The following PATJ variants were observed in gnomAD, a reference collection of about 807,000 sequenced individuals.
The protein encoded by PATJ is inaD-like protein.
A neutral mutation model predicts 224.9 loss-of-function variants in PATJ; 190 were observed. That is an observed-to-expected ratio of 0.84 (90% CI 0.75 to 0.95). The LOEUF (loss-of-function observed/expected upper bound fraction) is 0.95, where lower values mean the gene tolerates loss of function less well. PATJ is among the 40% of genes least tolerant of loss of function. The pLI is 0.00. For synonymous variants in PATJ, 769 were observed against 820.3 expected (o/e 0.94, Z 1.07); for missense variants, 2,121 against 2,270.3 (o/e 0.93, Z 1.34).
intron 29 of PATJ, among the ~76,000 whole-genome samples, chr1:62,028,599 C>T (rs1224753152): frequency 1.3e-5 from 2 of 151,794 alleles, no homozygotes; most frequent in Admixed American, 6.6e-5. Context: ...GGCAACATAG[C>T]GAGACCTCAT....
intron 16 of PATJ, among the ~76,000 whole-genome samples, chr1:61,829,506 T>C (rs1453318692): frequency 6.6e-6 from 1 of 152,348 alleles, no homozygotes; most frequent in East Asian, 1.9e-4. Flanking sequence ...TTTACCACAA[T>C]GGTGAACAAC....
At chr1:62,150,159 A>G (rs1377755563) in intron 42 of PATJ, among the ~76,000 whole-genome samples, 2 of 152,186 alleles carry the variant, frequency 1.3e-5, no homozygotes, top group Admixed American at 1.3e-4. Context: ...GTAAGGCCAC[A>G]AAGTGGGGAA....
chr1:62,120,655 A>G (rs1664933726), intron 37 of PATJ, among the ~76,000 whole-genome samples: 1 of 152,184 alleles, frequency 6.6e-6, no homozygotes, highest in African/African-American at 2.4e-5. Flanking sequence ...AAAAAATGTT[A>G]TATATCCCTA....
intron 31 of PATJ, among the ~76,000 whole-genome samples, chr1:62,069,483 T>TC (rs1657035915): frequency 6.6e-6 from 1 of 152,182 alleles, no homozygotes; most frequent in African/African-American, 2.4e-5. Context: ...AGATTTTAGC[T>TC]GTCATAATTT....
Position 62,125,254 on chromosome 1 carries a change from C to CAAAAAAAAAAAAA in PATJ, c.5043+2205_5043+2206insAAAAAAAAAAAAA, listed in dbSNP as rs779305398. On this transcript the variant is annotated intron_variant, in intron 39 of 43. Coordinates refer to ENST00000642238, the MANE Select transcript of PATJ (RefSeq NM_001350145.3). ...CCTGTCTCAAAAAAAAAAAAAAAAA[C>CAAAAAAAAAAAAA]AAAAAAAAACAAAAAAAAAACGCCA... Among the ~76,000 whole-genome samples the CAAAAAAAAAAAAA allele has an allele frequency of 7.0e-5, 5 of 71,420 alleles. 1 individual carries two copies. Among genetic ancestry groups the CAAAAAAAAAAAAA allele is most frequent in the Non-Finnish European group, 1.0e-4 (4 of 38,538 alleles). 46.9% of individuals were successfully genotyped at this position (71,420 alleles called of 152,430 possible).
chr1:62,132,452 C>A (rs1301565516), intron 41 of PATJ, among the ~76,000 whole-genome samples: 1 of 151,992 alleles, frequency 6.6e-6, no homozygotes, highest in Non-Finnish European at 1.5e-5. Context: ...GAGCCAAGAT[C>A]TCGCCACTGC....
chr1:61,796,658 TTTTCTTTC>T (rs202216894), intron 10 of PATJ, among the ~76,000 whole-genome samples: 205 of 103,524 alleles, frequency 2.0e-3, no homozygotes, highest in Middle Eastern at 6.1e-3. Flanking sequence ...TCTAAATTTA[TTTTCTTTC>T]TTTCTTTCTT....
chr1:61,839,816 A>C (rs67058774), intron 17 of PATJ, among the ~76,000 whole-genome samples: 5,037 of 151,978 alleles, frequency 0.033, 119 homozygotes, highest in South Asian at 0.082. Context: ...TCCCCTCTTG[A>C]GTGACTCAAT....
intron 27 of PATJ, among the ~76,000 whole-genome samples, chr1:61,972,921 G>T (rs1683178782): frequency 6.6e-6 from 1 of 151,596 alleles, no homozygotes; most frequent in Non-Finnish European, 1.5e-5. Context: ...TTTTTTTTCT[G>T]ATAGGCTGTG....
At chr1:61,951,331 T>A (rs1489587451) in intron 27 of PATJ, among the ~76,000 whole-genome samples, 2 of 152,218 alleles carry the variant, frequency 1.3e-5, no homozygotes, top group East Asian at 3.8e-4. Context: ...TTATTATAAC[T>A]GTAAATTAAA....
chr1:62,103,777 A>G (rs1553267697), intron 33 of PATJ, among the ~76,000 whole-genome samples: 1 of 151,868 alleles, frequency 6.6e-6, no homozygotes, highest in South Asian at 2.1e-4. Context: ...AAAAAAAGCA[A>G]TCTATCGCTT....
intron 26 of PATJ, among the ~76,000 whole-genome samples, chr1:61,923,560 A>G (rs987236566): frequency 3.9e-5 from 6 of 152,134 alleles, no homozygotes; most frequent in African/African-American, 1.2e-4. Context: ...TTGACAATAC[A>G]AATCACCCGA....
In PATJ at chr1:62,163,461, CTTTAT is replaced by C. The variant is rs1263028224; in HGVS notation, c.*2411_*2415del. The C allele has an allele frequency of 1.3e-5, 2 of 152,464 alleles. No homozygotes were observed. The highest frequency in any genetic ancestry group is 6.6e-5 in the Admixed American group (1 of 15,246). 9.4% of individuals were successfully genotyped at this position (152,464 alleles called of 1,614,324 possible). A position where few individuals can be genotyped will look rare whatever the true frequency, so the allele number is the denominator to read the frequency against. Reference sequence around the variant, plus strand: ...ATAATAGTTTTGAAATGGGATTCTGCTTTATTTTGATGGAATGGCCATTAAATACA... The same window carrying C: ...ATAATAGTTTTGAAATGGGATTCTGCTTTGATGGAATGGCCATTAAATACA... On this transcript the variant is annotated 3_prime_UTR_variant, in exon 44 of 44. Coordinates refer to ENST00000642238, the MANE Select transcript of PATJ (RefSeq NM_001350145.3).
chr1:61,978,063 T>G (rs569745849), intron 27 of PATJ, among the ~76,000 whole-genome samples: 55 of 151,946 alleles, frequency 3.6e-4, no homozygotes, highest in Non-Finnish European at 7.1e-4. Flanking sequence ...TTGTGCCTCC[T>G]CTGATTGACT....
intron 17 of PATJ, among the ~76,000 whole-genome samples, chr1:61,844,020 T>A (rs942216602): frequency 6.6e-6 from 1 of 152,220 alleles, no homozygotes; most frequent in Non-Finnish European, 1.5e-5. Context: ...AGATGAAGTC[T>A]GTCCTCATGG....
At chr1:61,806,987 A>G (rs1302928620) in intron 13 of PATJ, among the ~76,000 whole-genome samples, 1 of 151,832 alleles carries the variant, frequency 6.6e-6, no homozygotes, top group Admixed American at 6.6e-5. Context: ...CCTTGTATCT[A>G]CTAAAAATAC....
intron 31 of PATJ, among the ~76,000 whole-genome samples, chr1:62,055,943 G>T (rs1029029610): frequency 2.6e-5 from 4 of 152,184 alleles, no homozygotes; most frequent in Admixed American, 6.5e-5. Flanking sequence ...CCAGGGGGCT[G>T]CTGATAAAAG....
At chr1:61,747,372 A>G (rs547281138) in intron 1 of PATJ, among the ~76,000 whole-genome samples, 48 of 152,322 alleles carry the variant, frequency 3.2e-4, no homozygotes, top group African/African-American at 1.1e-3. Flanking sequence ...CTGTCCAGCC[A>G]GTAAAGTTTG....
intron 7 of PATJ, among the ~76,000 whole-genome samples, chr1:61,775,761 T>C (rs1646879594): frequency 1.3e-5 from 2 of 152,232 alleles, no homozygotes; most frequent in Admixed American, 1.3e-4. Context: ...TATGGTCTTA[T>C]AAGTTAAATG....
Sources: gnomAD v4.1 joint callset for allele counts (sites outside exome capture counted in the v4.1 genomes callset) on GRCh38, gnomAD v4.1.1 for gene constraint, MANE v1.5 for transcripts, NCBI Gene and HGNC (gene_info 2026-07-23, HGNC 2026-07-21) for gene names.